Variants in RNF17 observed in about 807,000 individuals in gnomAD.
RNF17 encodes ring finger protein 17.
Under a neutral mutation model 200.5 loss-of-function variants are expected in RNF17, and 31 were observed. The ratio of observed to expected loss-of-function variants is 0.15; its 90% CI spans 0.12 to 0.21. The LOEUF (loss-of-function observed/expected upper bound fraction) is 0.21. Ranked by LOEUF, RNF17 falls within the 10% of genes least tolerant of loss-of-function variation. RNF17 has a pLI of 1.00. For missense variants in RNF17, 1,628 were observed against 1,905.1 expected, an observed-to-expected ratio of 0.85 and a Z score of 2.71; for synonymous variants, 606 against 637.8, an observed-to-expected ratio of 0.95 and a Z score of 0.75.
the RNF17 span, among the ~76,000 whole-genome samples, chr13:24,753,616 A>G: frequency 6.6e-6 from 1 of 152,210 alleles, no homozygotes; most frequent in East Asian, 1.9e-4. Flanking sequence ...TGTGGGTAAT[A>G]AGACCAATTA....
At position 24,845,589 on chromosome 13, in the gene RNF17, G is replaced by C. The variant is rs538751616; in HGVS notation, c.3101+510G>C. Among the ~76,000 whole-genome samples, 8 of 152,278 alleles carry C rather than the reference G, an allele frequency of 5.3e-5. No homozygotes were observed. The East Asian group carries it at 1.4e-3, about 26-fold the overall frequency. On this transcript the variant is annotated intron_variant, in intron 22 of 35. Coordinates refer to ENST00000255324, the MANE Select transcript of RNF17 (RefSeq NM_031277.3). ...TACACCATGAACCAGGACCTTTACA[G>C]TATCAACATTTGTGTGGCAGGATTT...
At chr13:24,814,128 T>C (rs1887108069) in intron 15 of RNF17, among the ~76,000 whole-genome samples, 1 of 152,026 alleles carries the variant, frequency 6.6e-6, no homozygotes. Context: ...AAAGAGAAAA[T>C]ATATTTACTA....
At chr13:24,773,815 A>G (rs1412201257) in intron 2 of RNF17, among the ~76,000 whole-genome samples, 1 of 152,112 alleles carries the variant, frequency 6.6e-6, no homozygotes, top group African/African-American at 2.4e-5. Flanking sequence ...TTTGTATTGT[A>G]TTGTGAGGTT....
Position 24,862,776 on chromosome 13 carries a change from G to A in RNF17, c.3958G>A (p.Val1320Met). 1.3e-6 allele frequency: 2 copies of A among 1,597,712 alleles called. No homozygotes were observed. The highest frequency in any genetic ancestry group is 1.7e-6 in the Non-Finnish European group (2 of 1,165,368). ...TCAACAACTGCTTTCAAAGAGACAG[G>A]TGGACATTCACATTATGGTAATTTA... ...VLQQLLSKRQ[V>M]DIHIMELPKN... The change falls in exon 28 of 36, where the codon GTG becomes ATG. Residue 1320 changes from valine (V) to methionine (M), a missense_variant. Transcript: ENST00000255324.
chr13:24,777,287 T>C (rs1881705034), intron 3 of RNF17, among the ~76,000 whole-genome samples: 2 of 152,230 alleles, frequency 1.3e-5, no homozygotes, highest in Non-Finnish European at 2.9e-5. Context: ...TCTGTAACAT[T>C]TAAACATCAT....
At chr13:24,752,793 C>T in the RNF17 span, among the ~76,000 whole-genome samples, 1 of 152,258 alleles carries the variant, frequency 6.6e-6, no homozygotes, top group East Asian at 1.9e-4. Flanking sequence ...GTGGGGGAGC[C>T]CTGCTCCAGA....
At chr13:24,794,019 G>A (rs575471656) in intron 10 of RNF17, 3 of 329,594 alleles carry the variant, frequency 9.1e-6, no homozygotes, top group African/African-American at 2.2e-5. Flanking sequence ...TAAGATACCT[G>A]TAATAACTTT....
At chr13:24,750,495 A>G in the RNF17 span, among the ~76,000 whole-genome samples, 2 of 152,210 alleles carry the variant, frequency 1.3e-5, no homozygotes, top group Non-Finnish European at 1.5e-5. Flanking sequence ...CTATGCAAAC[A>G]TTGATCTACT....
At chr13:24,797,847 G>A (rs1158547364) in intron 11 of RNF17, among the ~76,000 whole-genome samples, 1 of 151,924 alleles carries the variant, frequency 6.6e-6, no homozygotes, top group Non-Finnish European at 1.5e-5. Flanking sequence ...GAATAAGCGG[G>A]TTGGAGAATG....
the RNF17 span, chr13:24,885,829 G>A: frequency 1.4e-5 from 9 of 638,190 alleles, no homozygotes; most frequent in South Asian, 7.6e-5. Flanking sequence ...GTAGTTCTCC[G>A]ACACAGGTAC....
rs1010678285 is a variant in RNF17, at chr13:24,847,636, C to T, written c.3101+2557C>T. Among the ~76,000 whole-genome samples, 6 of 152,246 alleles carry T rather than the reference C, an allele frequency of 3.9e-5. No individual in the cohort carries two copies. The East Asian group carries it at 5.8e-4, about 15-fold the overall frequency. ...GCTGGGATTATGGCGTGAGTCACCACGCCTGGCCTAAAAATTGATATTATA... is the reference window on the plus strand; with the variant it reads ...GCTGGGATTATGGCGTGAGTCACCATGCCTGGCCTAAAAATTGATATTATA... On this transcript the variant is annotated intron_variant, in intron 22 of 35. Coordinates refer to ENST00000255324, the MANE Select transcript of RNF17 (RefSeq NM_031277.3).
chr13:24,816,573 G>T (rs1887433750), intron 15 of RNF17, among the ~76,000 whole-genome samples: 1 of 152,162 alleles, frequency 6.6e-6, no homozygotes, highest in South Asian at 2.1e-4. Context: ...AAGAGGTAAT[G>T]CCTGTGGACC....
At chr13:24,884,085 T>C, downstream of RNF17, 2 of 1,572,832 alleles carry the variant, frequency 1.3e-6, no homozygotes, top group Non-Finnish European at 1.7e-6. Context: ...AATGTTTTTC[T>C]GTTTAAAAAG....
chr13:24,752,838 T>G, the RNF17 span, among the ~76,000 whole-genome samples: 103 of 152,316 alleles, frequency 6.8e-4, no homozygotes, highest in African/African-American at 2.1e-3. Flanking sequence ...TAAGTTGGAT[T>G]GTTTGTTCCC....
chr13:24,858,254 C>T (rs181138192), intron 25 of RNF17, among the ~76,000 whole-genome samples: 7 of 152,188 alleles, frequency 4.6e-5, no homozygotes, highest in East Asian at 1.9e-4. Flanking sequence ...GAAAAAATAA[C>T]GTTTGAGACC....
chr13:24,879,414 C>A lies in RNF17; in HGVS notation c.*10+119C>A, dbSNP rs186485986. 2.0e-3 allele frequency: 1,338 copies of A among 658,786 alleles called. 3 individuals carry two copies. Among genetic ancestry groups the A allele is most frequent in the Non-Finnish European group, 3.1e-3 (1,155 of 377,288 alleles). 40.8% of individuals were successfully genotyped at this position (658,786 alleles called of 1,614,324 possible). On this transcript the variant is annotated intron_variant, in intron 35 of 35. Coordinates refer to ENST00000255324, the MANE Select transcript of RNF17 (RefSeq NM_031277.3). ...TCTCAAAGGAATGACAGCAACGCTC[C>A]ACCAGATTTCTTCATAGGCCCTTCT...
At chr13:24,857,525 G>A (rs1386572218) in intron 25 of RNF17, among the ~76,000 whole-genome samples, 1 of 152,112 alleles carries the variant, frequency 6.6e-6, no homozygotes, top group Non-Finnish European at 1.5e-5. Context: ...CCTCACCTTG[G>A]CACTAAGATG....
chr13:24,762,456 A>C (rs767634199), upstream of RNF17, among the ~76,000 whole-genome samples: 6 of 152,004 alleles, frequency 3.9e-5, no homozygotes, highest in Non-Finnish European at 7.4e-5. Context: ...AGGGAATAAT[A>C]CTCACAAAAC....
intron 33 of RNF17, among the ~76,000 whole-genome samples, chr13:24,875,493 G>A (rs1030572131): frequency 3.9e-5 from 6 of 152,138 alleles, no homozygotes; most frequent in African/African-American, 7.2e-5. Context: ...CACCACCAAA[G>A]ACATTTCAGT....
Sources: allele counts gnomAD v4.1 joint callset (sites outside exome capture counted in the v4.1 genomes callset), GRCh38; gene constraint gnomAD v4.1.1; transcripts MANE v1.5; gene names NCBI Gene and HGNC (gene_info 2026-07-23, HGNC 2026-07-21).